MAML2: variants seen among roughly 807,000 people sequenced by gnomAD.
MAML2 encodes the protein mastermind like transcriptional coactivator 2.
MAML2 carries 22 observed loss-of-function variants against 96.1 expected under a neutral mutation model. The ratio of observed to expected loss-of-function variants is 0.23; its 90% CI spans 0.16 to 0.33. MAML2 has a LOEUF of 0.33. Among genes scored for constraint, MAML2 ranks in the 10% least tolerant of loss-of-function variants. The pLI, the probability that MAML2 is intolerant of heterozygous loss-of-function variation, is 1.00. For missense variants in MAML2, 1,367 were observed against 1,392.4 expected, an observed-to-expected ratio of 0.98 and a Z score of 0.29; for synonymous variants, 561 against 521.3, an observed-to-expected ratio of 1.08 and a Z score of -1.04.
chr11:96,099,557 C>T (rs1859887461), intron 1 of MAML2, among the ~76,000 whole-genome samples: 1 of 152,128 alleles, frequency 6.6e-6, no homozygotes, highest in Admixed American at 6.5e-5. Flanking sequence ...TTATACTTCT[C>T]CAAGTTTCTT....
intron 1 of MAML2, among the ~76,000 whole-genome samples, chr11:96,181,650 GA>G (rs1308036797): frequency 6.6e-6 from 1 of 152,102 alleles, no homozygotes; most frequent in Non-Finnish European, 1.5e-5. Flanking sequence ...ACATCATATA[GA>G]AGAATGGTCA....
intron 1 of MAML2, among the ~76,000 whole-genome samples, chr11:96,131,937 G>A (rs1404360927): frequency 1.3e-5 from 2 of 152,204 alleles, no homozygotes; most frequent in Admixed American, 6.5e-5. Context: ...TTGAACCCAG[G>A]AGGTAGAGGT....
intron 1 of MAML2, among the ~76,000 whole-genome samples, chr11:96,102,259 G>A (rs1473040212): frequency 6.6e-6 from 1 of 152,220 alleles, no homozygotes; most frequent in African/African-American, 2.4e-5. Flanking sequence ...CTGGGTGACA[G>A]AGAGAGACTC....
At chr11:96,087,928 A>T (rs1201715255) in intron 2 of MAML2, among the ~76,000 whole-genome samples, 2 of 152,192 alleles carry the variant, frequency 1.3e-5, no homozygotes, top group Admixed American at 6.5e-5. Flanking sequence ...TGGCCCTTTC[A>T]TTGGACAATT....
intron 2 of MAML2, among the ~76,000 whole-genome samples, chr11:96,044,205 C>G (rs538574825): frequency 6.6e-6 from 1 of 152,208 alleles, no homozygotes; most frequent in Non-Finnish European, 1.5e-5. Flanking sequence ...GGGTATCTGG[C>G]TGGGCAAGAG....
intron 1 of MAML2, among the ~76,000 whole-genome samples, chr11:96,235,916 G>C (rs897232794): frequency 1.6e-4 from 25 of 152,194 alleles, no homozygotes; most frequent in Non-Finnish European, 3.7e-4. Context: ...ATCTGTTTTA[G>C]ACAAGGCAGC....
At chr11:96,073,547 C>T (rs1253150387) in intron 2 of MAML2, among the ~76,000 whole-genome samples, 1 of 152,118 alleles carries the variant, frequency 6.6e-6, no homozygotes, top group Admixed American at 6.5e-5. Flanking sequence ...GTCTCGATCT[C>T]TTGACCTCAT....
chr11:96,025,056 C>T (rs1036787473), intron 2 of MAML2, among the ~76,000 whole-genome samples: 2 of 152,032 alleles, frequency 1.3e-5, no homozygotes, highest in South Asian at 4.2e-4. Flanking sequence ...GTGTATATAC[C>T]CAAAAGAAAA....
At position 96,076,245 on chromosome 11, in the gene MAML2, A is replaced by T. The variant is rs575658515; in HGVS notation, c.2139+15647T>A. 1.2e-4 allele frequency among the ~76,000 whole-genome samples: 18 copies of T among 152,318 alleles called. No homozygotes were observed. The South Asian group carries it at 3.7e-3, about 32-fold the overall frequency. ...ATGGTGTGCATCATGTATTGTATGC[A>T]TGAGCAGAAACACCAGCCTTGGAGA... On this transcript the variant is annotated intron_variant, in intron 2 of 4. Transcript: ENST00000524717.
chr11:96,036,507 G>A (rs1858714703), intron 2 of MAML2, among the ~76,000 whole-genome samples: 2 of 152,122 alleles, frequency 1.3e-5, no homozygotes, highest in South Asian at 4.1e-4. Flanking sequence ...CAGTTGCAGT[G>A]GACGGTGAAA....
intron 1 of MAML2, among the ~76,000 whole-genome samples, chr11:96,224,467 C>G (rs1792399182): frequency 6.6e-6 from 1 of 152,228 alleles, no homozygotes; most frequent in African/African-American, 2.4e-5. Context: ...ACAATTCTAT[C>G]TATTTGAATG....
chr11:96,161,109 A>G (rs1225143352), intron 1 of MAML2, among the ~76,000 whole-genome samples: 1 of 152,222 alleles, frequency 6.6e-6, no homozygotes, highest in African/African-American at 2.4e-5. Context: ...TAGGAATGTC[A>G]CTGAAGGAAG....
At chr11:96,022,061 A>T (rs1197814298) in intron 2 of MAML2, among the ~76,000 whole-genome samples, 2 of 152,194 alleles carry the variant, frequency 1.3e-5, no homozygotes, top group Non-Finnish European at 2.9e-5. Context: ...GCCATCTAGG[A>T]TGGGAGGAGC....
rs185007776 is a variant in MAML2 at position 96,281,799 on chromosome 11, G to A, written c.513+59584C>T. 3.2e-4 allele frequency among the ~76,000 whole-genome samples: 48 copies of A among 152,144 alleles called. No individual in the cohort carries two copies. In the East Asian group the frequency reaches 9.1e-3, roughly 29 times the overall value. On this transcript the variant is annotated intron_variant, in intron 1 of 4. Coordinates refer to ENST00000524717, the MANE Select transcript of MAML2 (RefSeq NM_032427.4). Reference sequence around the variant, plus strand: ...GTGGGAGGATCACTGGAGCCAGGGAGGTCAAAGCTACAGTGGGCTCTGATT... The same window carrying A: ...GTGGGAGGATCACTGGAGCCAGGGAAGTCAAAGCTACAGTGGGCTCTGATT...
chr11:95,982,728 A>G (rs956770804), intron 4 of MAML2, among the ~76,000 whole-genome samples: 5 of 152,326 alleles, frequency 3.3e-5, no homozygotes, highest in Admixed American at 6.5e-5. Context: ...TTAAAAAACC[A>G]TGTTTTAAGT....
chr11:96,275,276 T>C, intron 1 of MAML2, among the ~76,000 whole-genome samples: 1 of 138,556 alleles, frequency 7.2e-6, no homozygotes, highest in African/African-American at 2.7e-5. Context: ...GGAATTTTTT[T>C]TTTTTTTTTT....
intron 1 of MAML2, among the ~76,000 whole-genome samples, chr11:96,202,879 C>T (rs1861846007): frequency 2.0e-5 from 3 of 152,116 alleles, no homozygotes; most frequent in African/African-American, 2.4e-5. Context: ...CTATCCGCCT[C>T]GGCCTCCCAA....
Position 96,257,565 on chromosome 11 carries a change from T to A in MAML2, c.513+83818A>T, listed in dbSNP as rs143960163. On this transcript the variant is annotated intron_variant, in intron 1 of 4. Coordinates refer to ENST00000524717, the MANE Select transcript of MAML2 (RefSeq NM_032427.4). ...TTGTTCAGTGAGCATAATTATAGAG[T>A]CCACAGTCTAACAGTCTTCATTATA... Among the ~76,000 whole-genome samples the A allele has an allele frequency of 2.5e-3, 374 of 152,318 alleles. 1 individual carries two copies. Among genetic ancestry groups the A allele is most frequent in the African/African-American group, 8.4e-3 (350 of 41,556 alleles).
At chr11:96,331,706 T>C (rs2136017996) in intron 1 of MAML2, among the ~76,000 whole-genome samples, 1 of 150,362 alleles carries the variant, frequency 6.7e-6, no homozygotes, top group East Asian at 2.0e-4. Flanking sequence ...TAATCTCAGC[T>C]ACTTAGGAGG....
Sources: allele counts gnomAD v4.1 joint callset (sites outside exome capture counted in the v4.1 genomes callset), GRCh38; gene constraint gnomAD v4.1.1; transcripts MANE v1.5; gene names NCBI Gene and HGNC (gene_info 2026-07-23, HGNC 2026-07-21).